Variants in RTN1 observed in about 807,000 individuals in gnomAD.
RTN1 encodes the protein reticulon 1.
Under a neutral mutation model 65.5 loss-of-function variants are expected in RTN1, and 25 were observed. That is an observed-to-expected ratio of 0.38 (90% CI 0.28 to 0.53). RTN1 has a LOEUF of 0.53. Among genes scored for constraint, RTN1 ranks in the 20% least tolerant of loss-of-function variants. RTN1 has a pLI of 0.79. For synonymous variants in RTN1, 471 were observed against 447.6 expected, an observed-to-expected ratio of 1.05 and a Z score of -0.66; for missense variants, 983 against 1,025.4, an observed-to-expected ratio of 0.96 and a Z score of 0.57.
chr14:59,756,063 A>G (rs2350013), intron 1 of RTN1, among the ~76,000 whole-genome samples: 60,707 of 152,080 alleles, frequency 0.4, 12,529 homozygotes, highest in African/African-American at 0.49. Flanking sequence ...ACTTTAGCAA[A>G]AAATTCTCTT....
chr14:59,694,179 T>C lies in RTN1; in HGVS notation c.1765+32740A>G, dbSNP rs1884016569. ...CACTCAGCTCTTATTCCCCAGTTGGTCATTCATGACTTTGTTTTCTAAATC... is the reference window on the plus strand; with the variant it reads ...CACTCAGCTCTTATTCCCCAGTTGGCCATTCATGACTTTGTTTTCTAAATC... On this transcript the variant is annotated intron_variant, in intron 3 of 8. Transcript: ENST00000267484. Among the ~76,000 whole-genome samples the C allele has an allele frequency of 2.0e-5, 3 of 152,340 alleles. No homozygotes were observed. The South Asian group carries it at 6.2e-4, about 32-fold the overall frequency.
intron 3 of RTN1, among the ~76,000 whole-genome samples, chr14:59,704,868 A>G (rs1204159536): frequency 6.6e-6 from 1 of 152,142 alleles, no homozygotes; most frequent in Non-Finnish European, 1.5e-5. Flanking sequence ...ATGCCAACTG[A>G]ACATACTGGG....
At chr14:59,637,488 C>T (rs777439891) in intron 3 of RTN1, among the ~76,000 whole-genome samples, 2 of 152,036 alleles carry the variant, frequency 1.3e-5, no homozygotes, top group African/African-American at 2.4e-5. Context: ...CTGAGGCAGG[C>T]GGCTCACGAA....
chr14:59,747,840 C>T (rs1012768114), intron 1 of RTN1, among the ~76,000 whole-genome samples: 4 of 152,094 alleles, frequency 2.6e-5, no homozygotes, highest in Non-Finnish European at 5.9e-5. Flanking sequence ...CAAACACACA[C>T]ACAGTACGTA....
intron 3 of RTN1, among the ~76,000 whole-genome samples, chr14:59,668,051 G>A (rs1215573169): frequency 6.6e-6 from 1 of 152,150 alleles, no homozygotes; most frequent in East Asian, 1.9e-4. Flanking sequence ...TAGATTCAAT[G>A]TCATCCCCAT....
chr14:59,868,754 T>C lies in RTN1; in HGVS notation c.241+1636A>G, dbSNP rs750818950. On this transcript the variant is annotated intron_variant, in intron 1 of 8. Transcript: ENST00000267484. This position sits in a 1 kb window ranked among gnomAD's most constrained non-coding sequence, Gnocchi z 4.0. ...GTTCACATAATCTTAGTGGCACTAA[T>C]AGGAGGTGGGTAATGTTTCATAAAG... Among the ~76,000 whole-genome samples, 1 of 152,204 alleles carries C rather than the reference T, an allele frequency of 6.6e-6. No individual in the cohort carries two copies. The highest frequency in any genetic ancestry group is 2.4e-5 in the African/African-American group (1 of 41,464).
In RTN1 at chr14:59,825,686, A is replaced by T. The variant is rs1274781206; in HGVS notation, c.241+44704T>A. Among the ~76,000 whole-genome samples, 1 of 152,222 alleles carries T rather than the reference A, an allele frequency of 6.6e-6. No homozygotes were observed. Among genetic ancestry groups the T allele is most frequent in the Non-Finnish European group, 1.5e-5 (1 of 68,038 alleles). ...AGCACGGTGGCCAAGGAATAGTGTTACTGTGTGCTCTTAGAGTTACACAGA... is the reference window on the plus strand; with the variant it reads ...AGCACGGTGGCCAAGGAATAGTGTTTCTGTGTGCTCTTAGAGTTACACAGA... On this transcript the variant is annotated intron_variant, in intron 1 of 8. Transcript: ENST00000267484. The surrounding 1 kb of genome is among the most constrained non-coding windows in gnomAD (Gnocchi z 4.2).
chr14:59,819,405 ACCACCACCACCCCCCCCCCAC>A (rs1566737378), intron 1 of RTN1, among the ~76,000 whole-genome samples: 6 of 20,184 alleles, frequency 3.0e-4, no homozygotes, highest in Admixed American at 4.2e-4. Flanking sequence ...GTGCATCCAC[ACCACCACCACCCCCCCCCCAC>A]CCCCCACCCC....
chr14:59,656,892 C>T (rs1883132708), intron 3 of RTN1, among the ~76,000 whole-genome samples: 1 of 152,228 alleles, frequency 6.6e-6, no homozygotes, highest in African/African-American at 2.4e-5. Context: ...CCTTGCACAT[C>T]TCTGCATTCT....
rs182842812 is a variant in RTN1, at chr14:59,624,607, G to A, written c.1766-17115C>T. 2.1e-3 allele frequency among the ~76,000 whole-genome samples: 326 copies of A among 152,096 alleles called. 4 individuals are homozygous for A. Among genetic ancestry groups the A allele is most frequent in the East Asian group, 7.7e-4 (4 of 5,174 alleles). ...CTCCCGAGTAGTTAGGACTACAGGC[G>A]TGTGCCACCACGCCTGACTAGTTTT... On this transcript the variant is annotated intron_variant, in intron 3 of 8. Transcript: ENST00000267484.
chr14:59,665,428 G>C (rs980385367), intron 3 of RTN1, among the ~76,000 whole-genome samples: 1 of 152,084 alleles, frequency 6.6e-6, no homozygotes, highest in African/African-American at 2.4e-5. Flanking sequence ...CCTTACAAGA[G>C]CTCCTGAAGG....
chr14:59,661,421 TA>T (rs1883245171), intron 3 of RTN1, among the ~76,000 whole-genome samples: 1 of 152,098 alleles, frequency 6.6e-6, no homozygotes, highest in South Asian at 2.1e-4. Context: ...ATCATCCTGA[TA>T]ACAAAACCTG....
chr14:59,779,272 A>G (rs1483838115), intron 1 of RTN1, among the ~76,000 whole-genome samples: 1 of 152,112 alleles, frequency 6.6e-6, no homozygotes, highest in African/African-American at 2.4e-5. Context: ...AACTGGGTGG[A>G]TGGTAGTATA....
At chr14:59,783,905 T>C (rs996338293) in intron 1 of RTN1, among the ~76,000 whole-genome samples, 2 of 141,520 alleles carry the variant, frequency 1.4e-5, no homozygotes, top group Admixed American at 1.4e-4. Context: ...AATTTTCCAA[T>C]CTGGGGGCAA....
chr14:59,841,414 C>T (rs1355366709), intron 1 of RTN1, among the ~76,000 whole-genome samples: 2 of 152,048 alleles, frequency 1.3e-5, no homozygotes, highest in Admixed American at 6.6e-5. Flanking sequence ...CTGCAAGACT[C>T]GCCAGGTGTG....
chr14:59,786,942 T>C (rs1044390985), intron 1 of RTN1, among the ~76,000 whole-genome samples: 1 of 152,186 alleles, frequency 6.6e-6, no homozygotes, highest in African/African-American at 2.4e-5. Flanking sequence ...GTAGTCCTAA[T>C]GATTATAAAA....
rs546345891 is a variant in RTN1 at position 59,822,035 on chromosome 14, G to C, written c.241+48355C>G. On this transcript the variant is annotated intron_variant, in intron 1 of 8. Transcript: ENST00000267484. The stretch of plus-strand genomic sequence containing the variant: ...GATTAATGTTGGCCTCATAGAGTGA[G>C]TGAGGGAGGAGTTCCTTCTCAGTTT... 7.2e-5 allele frequency among the ~76,000 whole-genome samples: 11 copies of C among 152,310 alleles called. No homozygotes were observed. The South Asian group carries it at 2.1e-3, about 29-fold the overall frequency.
At chr14:59,773,747 G>A (rs1017221471) in intron 1 of RTN1, among the ~76,000 whole-genome samples, 13 of 152,088 alleles carry the variant, frequency 8.5e-5, no homozygotes, top group African/African-American at 2.9e-4. Context: ...TTCAAGAGCT[G>A]ATTTATTTTG....
rs1887419625 is a variant in RTN1, at chr14:59,846,836, C to T, written c.241+23554G>A. ...CAACTCTGACAGCCATATGCACTCT[C>T]AGAGAAGCAGCCACTTTGATGAGAC... On this transcript the variant is annotated intron_variant, in intron 1 of 8. Transcript: ENST00000267484. The surrounding 1 kb of genome is among the most constrained non-coding windows in gnomAD (Gnocchi z 4.8). 6.6e-6 allele frequency among the ~76,000 whole-genome samples: 1 copy of T among 152,150 alleles called. No homozygotes were observed. Among genetic ancestry groups the T allele is most frequent in the East Asian group, 1.9e-4 (1 of 5,186 alleles).
Sources: gnomAD v4.1 joint callset for allele counts (sites outside exome capture counted in the v4.1 genomes callset) on GRCh38, gnomAD v4.1.1 for gene constraint, Gnocchi (gnomAD v3.1) non-coding constraint, MANE v1.5 for transcripts, NCBI Gene and HGNC (gene_info 2026-07-23, HGNC 2026-07-21) for gene names.